The following ARID1B variants were observed in gnomAD, a reference collection of about 807,000 sequenced individuals.
ARID1B encodes AT-rich interaction domain 1B, also known as AT-rich interactive domain-containing protein 1B.
ARID1B carries 30 observed loss-of-function variants against 212.3 expected under a neutral mutation model. The observed-to-expected ratio is 0.14, with a 90% confidence interval of 0.11 to 0.19. The LOEUF is 0.19. Ranked by LOEUF, ARID1B falls within the 10% of genes least tolerant of loss-of-function variation. The pLI, the probability that ARID1B is intolerant of heterozygous loss-of-function variation, is 1.00. For synonymous variants in ARID1B, 1,402 were observed against 1,301.7 expected, an observed-to-expected ratio of 1.08 and a Z score of -1.66; for missense variants, 2,891 against 3,204.0, an observed-to-expected ratio of 0.90 and a Z score of 2.36.
chr6:157,158,977 T>G (rs1468563092), intron 8 of ARID1B, among the ~76,000 whole-genome samples: 1 of 152,138 alleles, frequency 6.6e-6, no homozygotes, highest in Admixed American at 6.5e-5. Flanking sequence ...AACTGTGCCA[T>G]TTACATCTTC....
chr6:156,950,455 G>A (rs992373277), intron 4 of ARID1B, among the ~76,000 whole-genome samples: 7 of 152,184 alleles, frequency 4.6e-5, no homozygotes, highest in Admixed American at 1.3e-4. Context: ...ATATAGGTTT[G>A]TGTATATATA....
chr6:156,800,563 T>A (rs1332485342), intron 1 of ARID1B, among the ~76,000 whole-genome samples: 2 of 152,022 alleles, frequency 1.3e-5, no homozygotes, highest in African/African-American at 4.8e-5. Context: ...CACTTCAACC[T>A]GGGTGACAGA....
intron 4 of ARID1B, among the ~76,000 whole-genome samples, chr6:156,944,667 G>A (rs187865372): frequency 6.6e-6 from 1 of 152,286 alleles, no homozygotes; most frequent in African/African-American, 2.4e-5. Flanking sequence ...TCATTTCTTG[G>A]TGGGGGAAGG....
At chr6:156,870,212 A>T (rs1011815830) in intron 2 of ARID1B, 1 of 152,278 alleles carries the variant, frequency 6.6e-6, no homozygotes, top group Non-Finnish European at 1.5e-5. Context: ...TTGCTAGTGG[A>T]GGTGGCAACC....
chr6:156,937,307 T>C (rs1283007847), intron 4 of ARID1B: 1 of 152,196 alleles, frequency 6.6e-6, no homozygotes, highest in Admixed American at 6.5e-5. Context: ...CTATGAAATT[T>C]AAATAGATGC....
At position 157,203,993 on chromosome 6, in the gene ARID1B, C is replaced by G; in HGVS notation, c.5391C>G (p.Ser1797=). The change falls in exon 19 of 20, where the codon TCC becomes TCG. Residue 1797 remains serine (S), a synonymous_variant. Transcript: ENST00000636930. The surrounding 1 kb of genome is among the most constrained non-coding windows in gnomAD (Gnocchi z 4.4). The part of the protein sequence containing the change: ...DDSTVATFNL[S]QLSGFLELLV... ...GCACTGTTGCTACTTTCAATCTCTC[C>G]CAGGTAAGCCAGCATAGTCCAACTA... 1 of 1,613,908 alleles carries G rather than the reference C, an allele frequency of 6.2e-7. No homozygotes were observed. Among genetic ancestry groups the G allele is most frequent in the Non-Finnish European group, 8.5e-7 (1 of 1,179,888 alleles).
At chr6:157,189,177 A>G (rs1793183114) in intron 13 of ARID1B, among the ~76,000 whole-genome samples, 1 of 152,232 alleles carries the variant, frequency 6.6e-6, no homozygotes, top group South Asian at 2.1e-4. Flanking sequence ...ACCCAGAACT[A>G]AGTTTTCTAA....
chr6:157,052,219 G>T (rs1015247622), intron 4 of ARID1B, among the ~76,000 whole-genome samples: 1 of 152,190 alleles, frequency 6.6e-6, no homozygotes, highest in African/African-American at 2.4e-5. Flanking sequence ...TGAAGAAACT[G>T]ATCCTCGTAT....
intron 8 of ARID1B, chr6:157,164,764 G>A (rs1791204376): frequency 6.6e-6 from 1 of 152,194 alleles, no homozygotes; most frequent in Admixed American, 6.5e-5. Flanking sequence ...TGCTACAAAA[G>A]GCATAGATGA....
chr6:156,840,676 C>A (rs1343660450), intron 2 of ARID1B, among the ~76,000 whole-genome samples: 1 of 152,224 alleles, frequency 6.6e-6, no homozygotes, highest in African/African-American at 2.4e-5. Context: ...ACAAAGCCTG[C>A]AGACAGCTAT....
chr6:156,967,135 G>C (rs1794823855), intron 4 of ARID1B, among the ~76,000 whole-genome samples: 1 of 152,156 alleles, frequency 6.6e-6, no homozygotes, highest in African/African-American at 2.4e-5. Context: ...GAAATTACTA[G>C]AGATATATAA....
At chr6:156,973,737 A>T (rs1483031859) in intron 4 of ARID1B, among the ~76,000 whole-genome samples, 1 of 152,120 alleles carries the variant, frequency 6.6e-6, no homozygotes, top group Non-Finnish European at 1.5e-5. Flanking sequence ...CAACGCCCCC[A>T]CTGTGTCCCT....
chr6:157,109,360 G>C (rs1416666522), intron 5 of ARID1B, among the ~76,000 whole-genome samples: 2 of 152,224 alleles, frequency 1.3e-5, no homozygotes, highest in African/African-American at 4.8e-5. Flanking sequence ...AGTCAGAGCG[G>C]TTAGCCTGAT....
At chr6:156,811,917 C>T (rs2127987048) in intron 1 of ARID1B, among the ~76,000 whole-genome samples, 1 of 152,250 alleles carries the variant, frequency 6.6e-6, no homozygotes, top group Non-Finnish European at 1.5e-5. Context: ...AGCATCATGA[C>T]CCTTATATTA....
chr6:157,187,763 GA>G (rs987947976), intron 13 of ARID1B, among the ~76,000 whole-genome samples: 1,855 of 143,586 alleles, frequency 0.013, 45 homozygotes, highest in African/African-American at 0.044. Flanking sequence ...GAAAGGAAAG[GA>G]AAAAAAAAAC....
intron 4 of ARID1B, among the ~76,000 whole-genome samples, chr6:157,037,690 G>A (rs79175508): frequency 2.6e-5 from 4 of 152,192 alleles, no homozygotes; most frequent in Non-Finnish European, 4.4e-5. Context: ...CCAGGTAGTG[G>A]TCAGATTTGC....
chr6:157,021,585 C>A (rs1780269688), intron 4 of ARID1B, among the ~76,000 whole-genome samples: 1 of 152,188 alleles, frequency 6.6e-6, no homozygotes, highest in Non-Finnish European at 1.5e-5. Flanking sequence ...CGTCCTCAGC[C>A]TGACTGAACA....
intron 4 of ARID1B, among the ~76,000 whole-genome samples, chr6:156,978,125 G>A (rs1213772637): frequency 1.3e-5 from 2 of 152,302 alleles, no homozygotes. Context: ...AATACCAGGA[G>A]CGTTCTTGTT....
intron 2 of ARID1B, among the ~76,000 whole-genome samples, chr6:156,848,898 T>C (rs1216613300): frequency 2.0e-5 from 3 of 152,238 alleles, no homozygotes; most frequent in African/African-American, 7.2e-5. Flanking sequence ...TTCTCTGATA[T>C]CTTTTGGTAA....
Sources: gnomAD v4.1 joint callset for allele counts (sites outside exome capture counted in the v4.1 genomes callset) on GRCh38, gnomAD v4.1.1 for gene constraint, Gnocchi (gnomAD v3.1) non-coding constraint, MANE v1.5 for transcripts, NCBI Gene and HGNC (gene_info 2026-07-23, HGNC 2026-07-21) for gene names.